GADL1: variants seen among roughly 807,000 people sequenced by gnomAD.
GADL1 encodes the protein GAD like acidic amino acid decarboxylase 1, also known as acidic amino acid decarboxylase GADL1.
GADL1 carries 71 observed loss-of-function variants against 69.5 expected under a neutral mutation model. That is an observed-to-expected ratio of 1.02 (90% CI 0.84 to 1.25). The LOEUF is 1.25. GADL1 is among the 50% of genes most tolerant of loss of function. The pLI is 0.00. For synonymous variants in GADL1, 254 were observed against 214.4 expected (o/e 1.18, Z -1.62); for missense variants, 737 against 631.8 (o/e 1.17, Z -1.79).
chr3:30,866,009 G>T (rs1485624730), intron 1 of GADL1, among the ~76,000 whole-genome samples: 1 of 151,956 alleles, frequency 6.6e-6, no homozygotes, highest in African/African-American at 2.4e-5. Context: ...AAACAATTCA[G>T]CTTCAAATAT....
At chr3:30,766,488 CT>C (rs568887962) in intron 14 of GADL1, among the ~76,000 whole-genome samples, 757 of 152,310 alleles carry the variant, frequency 5.0e-3, no homozygotes, top group African/African-American at 0.018. Flanking sequence ...CCACTTAGCA[CT>C]ATGTGAAGTG....
intron 13 of GADL1, among the ~76,000 whole-genome samples, chr3:30,785,374 TTC>T (rs1377949075): frequency 8.6e-5 from 11 of 127,546 alleles, no homozygotes; most frequent in African/African-American, 3.1e-4. Flanking sequence ...AAAGCTAGAT[TTC>T]TTTTTCTTTT....
At chr3:30,734,097 T>C (rs1051047357) in intron 14 of GADL1, among the ~76,000 whole-genome samples, 1 of 152,212 alleles carries the variant, frequency 6.6e-6, no homozygotes, top group Non-Finnish European at 1.5e-5. Context: ...TGAAATTCTT[T>C]TATTTGCTTT....
intron 1 of GADL1, among the ~76,000 whole-genome samples, chr3:30,890,479 T>G (rs532986089): frequency 6.6e-6 from 1 of 152,254 alleles, no homozygotes; most frequent in African/African-American, 2.4e-5. Flanking sequence ...TGAACAGAGA[T>G]AAAAATCTTG....
intron 9 of GADL1, among the ~76,000 whole-genome samples, chr3:30,838,708 G>A (rs1240748761): frequency 1.3e-5 from 2 of 152,086 alleles, no homozygotes; most frequent in Non-Finnish European, 2.9e-5. Context: ...CCTAAAATGG[G>A]TGCCTTACAC....
intron 1 of GADL1, among the ~76,000 whole-genome samples, chr3:30,887,379 G>C (rs1372921387): frequency 6.6e-6 from 1 of 152,086 alleles, no homozygotes; most frequent in Non-Finnish European, 1.5e-5. Context: ...ATAGATTATT[G>C]AGTTAATGAA....
At chr3:30,809,231 G>A (rs1051572735) in intron 11 of GADL1, among the ~76,000 whole-genome samples, 1 of 151,932 alleles carries the variant, frequency 6.6e-6, no homozygotes, top group East Asian at 1.9e-4. Context: ...TCTTTACTTG[G>A]ATTTATTTAG....
intron 14 of GADL1, among the ~76,000 whole-genome samples, chr3:30,760,753 G>A (rs1334067180): frequency 6.6e-6 from 1 of 152,084 alleles, no homozygotes; most frequent in African/African-American, 2.4e-5. Context: ...TATGTGACTT[G>A]GCCCTGAATT....
chr3:30,763,782 C>A (rs1045319643), intron 14 of GADL1, among the ~76,000 whole-genome samples: 1 of 127,660 alleles, frequency 7.8e-6, no homozygotes, highest in Non-Finnish European at 1.7e-5. Context: ...ATATCTTTAT[C>A]TATCTCTCCA....
At chr3:30,783,298 T>A (rs1696709724) in intron 13 of GADL1, among the ~76,000 whole-genome samples, 1 of 152,196 alleles carries the variant, frequency 6.6e-6, no homozygotes, top group African/African-American at 2.4e-5. Context: ...AATATACCTC[T>A]AGGAAAACAT....
chr3:30,763,318 G>A (rs1696186234), intron 14 of GADL1, among the ~76,000 whole-genome samples: 1 of 152,006 alleles, frequency 6.6e-6, no homozygotes, highest in Admixed American at 6.6e-5. Context: ...CTAACACGGT[G>A]AAACCCCCTG....
rs964501634 is a variant in GADL1, at chr3:30,738,504, C to T, written c.1393-10089G>A. On this transcript the variant is annotated intron_variant, in intron 14 of 14. Transcript: ENST00000282538. ...TATCCTGAGACCTTTAAGTTTTTCTCGGGAGTCATTAACCTTGCTTTGGCC... is the reference window on the plus strand; with the variant it reads ...TATCCTGAGACCTTTAAGTTTTTCTTGGGAGTCATTAACCTTGCTTTGGCC... Among the ~76,000 whole-genome samples the T allele has an allele frequency of 3.3e-5, 5 of 151,984 alleles. No individual in the cohort carries two copies. In the South Asian group the frequency reaches 8.3e-4, roughly 25 times the overall value.
intron 1 of GADL1, among the ~76,000 whole-genome samples, chr3:30,885,133 T>C (rs1698686241): frequency 6.6e-6 from 1 of 152,108 alleles, no homozygotes; most frequent in South Asian, 2.1e-4. Flanking sequence ...GGATTAGTAA[T>C]TCTGGCGTGT....
chr3:30,873,198 C>T (rs776422720), intron 1 of GADL1, among the ~76,000 whole-genome samples: 4 of 151,850 alleles, frequency 2.6e-5, no homozygotes, highest in Admixed American at 6.6e-5. Context: ...AATATAATTG[C>T]ACTTATAAAA....
At chr3:30,890,711 A>G (rs1390491673) in intron 1 of GADL1, among the ~76,000 whole-genome samples, 1 of 152,214 alleles carries the variant, frequency 6.6e-6, no homozygotes, top group Non-Finnish European at 1.5e-5. Flanking sequence ...TTCTTCATCA[A>G]TAGGTGAATA....
At chr3:30,761,692 CAT>C (rs1228848426) in intron 14 of GADL1, among the ~76,000 whole-genome samples, 2 of 143,792 alleles carry the variant, frequency 1.4e-5, no homozygotes, top group Non-Finnish European at 3.1e-5. Context: ...TTTTTTTAGA[CAT>C]ATCCATTTGT....
At chr3:30,844,508 CAT>C in intron 6 of GADL1, 42 bp from the exon 7 acceptor site, 3 of 1,265,740 alleles carry the variant, frequency 2.4e-6, no homozygotes, top group Non-Finnish European at 3.5e-6. Flanking sequence ...GACATGAAAA[CAT>C]AGCACAAAAA....
At chr3:30,871,079 G>GTGTGTGTGTGTGTGTGTC (rs1010205282) in intron 1 of GADL1, among the ~76,000 whole-genome samples, 1 of 149,572 alleles carries the variant, frequency 6.7e-6, no homozygotes, top group East Asian at 2.0e-4. Context: ...GTGTGTGTGT[G>GTGTGTGTGTGTGTGTGTC]TCCAAGAAAC....
At chr3:30,812,713 G>A (rs556131969) in intron 11 of GADL1, among the ~76,000 whole-genome samples, 90 of 152,114 alleles carry the variant, frequency 5.9e-4, no homozygotes, top group Non-Finnish European at 1.1e-3. Context: ...CAACAGATAG[G>A]GGAACTTTGC....
Sources: gnomAD v4.1 joint callset for allele counts (sites outside exome capture counted in the v4.1 genomes callset) on GRCh38, gnomAD v4.1.1 for gene constraint, MANE v1.5 for transcripts, NCBI Gene and HGNC (gene_info 2026-07-23, HGNC 2026-07-21) for gene names.